Variants in OXR1 observed in about 807,000 individuals in gnomAD.
OXR1 encodes the protein oxidation resistance 1.
In OXR1, 41 loss-of-function variants were observed where a neutral mutation model predicts 104.6. The observed-to-expected ratio is 0.39, with a 90% CI of 0.31 to 0.51. The LOEUF is 0.51. OXR1 is among the 20% of genes least tolerant of loss of function. OXR1 has a pLI of 0.77. For missense variants in OXR1, 955 were observed against 1,031.9 expected (o/e 0.93, Z 1.02); for synonymous variants, 348 against 348.4 (o/e 1.00, Z 0.01).
intron 2 of OXR1, among the ~76,000 whole-genome samples, chr8:106,382,757 T>A (rs1817207936): frequency 6.8e-6 from 1 of 147,972 alleles, no homozygotes; most frequent in Non-Finnish European, 1.5e-5. Context: ...CTAGGCACTG[T>A]GTTAGGTGAT....
chr8:106,488,862 C>T (rs1810881075), intron 2 of OXR1, among the ~76,000 whole-genome samples: 2 of 151,446 alleles, frequency 1.3e-5, no homozygotes, highest in Admixed American at 6.6e-5. Context: ...TAGTGTGATA[C>T]CTCCAGCTTT....
chr8:106,447,880 A>C (rs1586652891), intron 2 of OXR1: 1 of 1,489,270 alleles, frequency 6.7e-7, no homozygotes, highest in Non-Finnish European at 8.9e-7. Flanking sequence ...TACTAGCCCC[A>C]CCCCCCAACA....
intron 2 of OXR1, among the ~76,000 whole-genome samples, chr8:106,411,147 T>C (rs932868682): frequency 1.3e-5 from 2 of 152,172 alleles, no homozygotes; most frequent in African/African-American, 2.4e-5. Flanking sequence ...GAATTTGATC[T>C]AGTGTACAGG....
intron 10 of OXR1, 26 bp from the exon 11 acceptor site, chr8:106,713,797 A>C: frequency 7.0e-7 from 1 of 1,419,284 alleles, no homozygotes; most frequent in Non-Finnish European, 9.4e-7. Context: ...AATACTAGGT[A>C]TATTAATAGT....
At chr8:106,684,471 T>G in intron 6 of OXR1, 112 bp downstream of exon 6, 1 of 631,946 alleles carries the variant, frequency 1.6e-6, no homozygotes, top group Non-Finnish European at 2.8e-6. Flanking sequence ...AATATTTCCT[T>G]TTTATTTTGT....
At chr8:106,332,348 T>C (rs2130230969) in intron 1 of OXR1, among the ~76,000 whole-genome samples, 1 of 152,316 alleles carries the variant, frequency 6.6e-6, no homozygotes, top group South Asian at 2.1e-4. Flanking sequence ...GATCTTGTTA[T>C]GTATATTTAA....
chr8:106,693,413 C>G (rs1829507190), intron 7 of OXR1, among the ~76,000 whole-genome samples: 1 of 148,710 alleles, frequency 6.7e-6, no homozygotes, highest in African/African-American at 2.5e-5. Context: ...GAATTCAAAC[C>G]TAGTCAGAAT....
chr8:106,748,427 G>A (rs188179789), intron 16 of OXR1, among the ~76,000 whole-genome samples: 79 of 152,004 alleles, frequency 5.2e-4, no homozygotes, highest in Non-Finnish European at 9.7e-4. Flanking sequence ...GTCATCACTG[G>A]TTATCCCATT....
At chr8:106,718,579 C>G (rs1034664000) in intron 11 of OXR1, among the ~76,000 whole-genome samples, 4 of 152,098 alleles carry the variant, frequency 2.6e-5, no homozygotes, top group African/African-American at 9.7e-5. Flanking sequence ...GTGGCTCACG[C>G]CTGTAATCCC....
At chr8:106,695,075 C>T (rs1829872386) in intron 7 of OXR1, among the ~76,000 whole-genome samples, 1 of 147,706 alleles carries the variant, frequency 6.8e-6, no homozygotes, top group Non-Finnish European at 1.5e-5. Context: ...ACTTTTATTT[C>T]CCCCTTCCAG....
intron 2 of OXR1, among the ~76,000 whole-genome samples, chr8:106,412,305 G>A (rs1818488502): frequency 6.6e-6 from 1 of 152,036 alleles, no homozygotes; most frequent in African/African-American, 2.4e-5. Flanking sequence ...CCTAATCCCA[G>A]TAGGCATCCT....
At chr8:106,675,112 G>A (rs1472087064) in intron 3 of OXR1, among the ~76,000 whole-genome samples, 1 of 152,140 alleles carries the variant, frequency 6.6e-6, no homozygotes, top group African/African-American at 2.4e-5. Context: ...TAATTTTCCA[G>A]GAAGATATAA....
chr8:106,705,379 T>C (rs1323317092), intron 8 of OXR1, among the ~76,000 whole-genome samples: 1 of 152,214 alleles, frequency 6.6e-6, no homozygotes, highest in African/African-American at 2.4e-5. Flanking sequence ...ATCCTAGTTA[T>C]AGAAATTATG....
At chr8:106,396,372 C>T (rs891704649) in intron 2 of OXR1, among the ~76,000 whole-genome samples, 1 of 151,876 alleles carries the variant, frequency 6.6e-6, no homozygotes, top group Admixed American at 6.6e-5. Context: ...CTCATGTACC[C>T]CCTGATAGGA....
intron 3 of OXR1, among the ~76,000 whole-genome samples, chr8:106,579,227 T>C (rs1399578994): frequency 6.6e-6 from 1 of 152,104 alleles, no homozygotes; most frequent in Non-Finnish European, 1.5e-5. Flanking sequence ...CTGTAGTTGG[T>C]TGTACAGTGT....
chr8:106,287,105 G>T (rs1272995268), intron 1 of OXR1, among the ~76,000 whole-genome samples: 1 of 152,082 alleles, frequency 6.6e-6, no homozygotes, highest in East Asian at 1.9e-4. Flanking sequence ...ATAAAAATGA[G>T]CATTTCAAAT....
intron 2 of OXR1, among the ~76,000 whole-genome samples, chr8:106,410,101 A>C (rs181694014): frequency 3.3e-5 from 5 of 152,134 alleles, no homozygotes; most frequent in African/African-American, 2.4e-5. Context: ...TTTCAATAAC[A>C]ATCTGAGGTT....
intron 14 of OXR1, 25 bp from the exon 15 acceptor site, chr8:106,742,197 T>C (rs1463502960): frequency 7.7e-7 from 1 of 1,303,504 alleles, no homozygotes; most frequent in Admixed American, 1.7e-5. Flanking sequence ...AGTCGTGTCA[T>C]TGAATATGCC....
chr8:106,510,804 A>C (rs983450901), intron 2 of OXR1, among the ~76,000 whole-genome samples: 9 of 152,186 alleles, frequency 5.9e-5, no homozygotes, highest in African/African-American at 2.2e-4. Context: ...GAAAAGCATA[A>C]ATTTCTTAGA....
Sources: gnomAD v4.1 joint callset for allele counts (sites outside exome capture counted in the v4.1 genomes callset) on GRCh38, gnomAD v4.1.1 for gene constraint, MANE v1.5 for transcripts, NCBI Gene and HGNC (gene_info 2026-07-23, HGNC 2026-07-21) for gene names.